The following ZNF423 variants were observed in gnomAD, a reference collection of about 807,000 sequenced individuals.
ZNF423 encodes zinc finger protein 423, also known as Ebf-associated zinc finger protein.
A neutral mutation model predicts 95.8 loss-of-function variants in ZNF423; 12 were observed. The observed-to-expected ratio is 0.13, with a 90% CI of 0.08 to 0.20. The LOEUF (loss-of-function observed/expected upper bound fraction) is 0.20. Among genes scored for constraint, ZNF423 ranks in the 10% least tolerant of loss-of-function variants. The pLI, the probability that ZNF423 is intolerant of heterozygous loss-of-function variation, is 1.00. For missense variants in ZNF423, 1,316 were observed against 1,737.1 expected (o/e 0.76, Z 4.31); for synonymous variants, 749 against 711.9 (o/e 1.05, Z -0.83).
At chr16:49,717,085 A>G (rs991923291) in intron 3 of ZNF423, among the ~76,000 whole-genome samples, 1 of 151,920 alleles carries the variant, frequency 6.6e-6, no homozygotes, top group African/African-American at 2.4e-5. Flanking sequence ...AAAGACTCTC[A>G]CCAACCAAAA....
chr16:49,858,717 G>GCCCC (rs35734564), upstream of ZNF423, among the ~76,000 whole-genome samples: 449 of 132,820 alleles, frequency 3.4e-3, 6 homozygotes, highest in Middle Eastern at 8.3e-3. The surrounding 1 kb of genome is among the most constrained non-coding windows in gnomAD (Gnocchi z 4.3). Flanking sequence ...GGGAATAGGA[G>GCCCC]CCCCCCCCCC....
rs140494854 is a variant in ZNF423 at position 49,824,220 on chromosome 16, G to A, written c.40+31515C>T. Among the ~76,000 whole-genome samples the A allele has an allele frequency of 5.3e-4, 80 of 152,198 alleles. 2 individuals carry two copies. Among genetic ancestry groups the A allele is most frequent in the African/African-American group, 1.6e-3 (68 of 41,530 alleles). On this transcript the variant is annotated intron_variant, in intron 1 of 7. Coordinates refer to ENST00000563137, the MANE Select transcript of ZNF423 (RefSeq NM_001379286.1). ...TACCCAAGAGACTTCTAAGCCCACAGCCAGGCATTGCGTCTCCAGCCAGAC... is the reference window on the plus strand; with the variant it reads ...TACCCAAGAGACTTCTAAGCCCACAACCAGGCATTGCGTCTCCAGCCAGAC...
At chr16:49,499,490 A>G (rs1880341653) in intron 7 of ZNF423, among the ~76,000 whole-genome samples, 1 of 152,262 alleles carries the variant, frequency 6.6e-6, no homozygotes, top group South Asian at 2.1e-4. Context: ...TAGCAGAAGC[A>G]GATGCAGCGA....
At chr16:49,604,466 C>T (rs567945334) in intron 5 of ZNF423, among the ~76,000 whole-genome samples, 14 of 152,240 alleles carry the variant, frequency 9.2e-5, no homozygotes, top group African/African-American at 1.7e-4. Flanking sequence ...GCCTTGAACA[C>T]GCTGCCACAC....
chr16:49,666,376 C>T (rs143814232), intron 3 of ZNF423, among the ~76,000 whole-genome samples: 1 of 152,334 alleles, frequency 6.6e-6, no homozygotes, highest in Non-Finnish European at 1.5e-5. Context: ...ATACAGCCAC[C>T]TACACACGCC....
intron 5 of ZNF423, among the ~76,000 whole-genome samples, chr16:49,587,071 G>T (rs550462184): frequency 7.2e-5 from 11 of 152,252 alleles, no homozygotes; most frequent in African/African-American, 2.6e-4. Flanking sequence ...GCACAAACTC[G>T]CTGTCACAAA....
intron 3 of ZNF423, among the ~76,000 whole-genome samples, chr16:49,728,313 G>A (rs1177548178): frequency 6.6e-6 from 1 of 152,194 alleles, no homozygotes; most frequent in African/African-American, 2.4e-5. Flanking sequence ...TCCCAGGCTG[G>A]GTCATGCCTT....
chr16:49,847,199 A>G (rs1398737750), intron 1 of ZNF423: 2 of 152,234 alleles, frequency 1.3e-5, no homozygotes, highest in Non-Finnish European at 2.9e-5. Context: ...CGAGGCAGTG[A>G]AGAGTTTGCA....
At chr16:49,668,195 T>G (rs762304856) in intron 3 of ZNF423, among the ~76,000 whole-genome samples, 5 of 152,082 alleles carry the variant, frequency 3.3e-5, no homozygotes, top group Non-Finnish European at 5.9e-5. Context: ...CTCAAGCCCC[T>G]ACCCCCCACC....
chr16:49,787,285 TAAAAAAAAGA>T (rs1414828469), intron 2 of ZNF423, among the ~76,000 whole-genome samples: 30 of 147,560 alleles, frequency 2.0e-4, no homozygotes, highest in East Asian at 1.8e-3. Context: ...CACAAACTAT[TAAAAAAAAGA>T]AAAAAAAAGA....
chr16:49,576,973 G>A (rs1448734853), intron 5 of ZNF423, among the ~76,000 whole-genome samples: 6 of 152,260 alleles, frequency 3.9e-5, no homozygotes, highest in Non-Finnish European at 8.8e-5. Flanking sequence ...AGAGGGCACA[G>A]ATGAGAAGAC....
At chr16:49,726,051 G>A (rs181798339) in intron 3 of ZNF423, among the ~76,000 whole-genome samples, 14 of 152,318 alleles carry the variant, frequency 9.2e-5, no homozygotes, top group Non-Finnish European at 1.9e-4. Flanking sequence ...TTAGCAAAGA[G>A]GCCAAAGACC....
rs113358702 is a variant in ZNF423 at position 49,638,859 on chromosome 16, G to T, written c.317C>A (p.Pro106Gln). ...AGACGAGGCCACCCAGGAGAGTTGT[G>T]GGTCGTCATCACCATCTGCAAGAGA... ...HRCPGDGDDD[P>Q]QLSWVASSPS... The change falls in exon 4 of 8, where the codon CCA (proline) becomes CAA (glutamine). Residue 106 changes from proline to glutamine, a missense_variant. Around this residue, in one of 6 missense-constraint regions of ZNF423, gnomAD observed 155 missense variants for 170.8 expected, o/e 0.91. Coordinates refer to ENST00000563137, the MANE Select transcript of ZNF423 (RefSeq NM_001379286.1). The surrounding 1 kb of genome is among the most constrained non-coding windows in gnomAD (Gnocchi z 5.6). 1.1e-4 allele frequency: 181 copies of T among 1,606,590 alleles called. No homozygotes were observed. The highest frequency in any genetic ancestry group is 1.5e-4 in the Non-Finnish European group (174 of 1,175,146).
chr16:49,809,301 G>T (rs1161339784), intron 1 of ZNF423, among the ~76,000 whole-genome samples: 4 of 152,244 alleles, frequency 2.6e-5, no homozygotes, highest in Non-Finnish European at 2.9e-5. Context: ...TCCACGGCTG[G>T]CAGGGGCCGG....
chr16:49,589,029 G>T (rs955144927), intron 5 of ZNF423, among the ~76,000 whole-genome samples: 2 of 152,200 alleles, frequency 1.3e-5, no homozygotes, highest in Non-Finnish European at 2.9e-5. Context: ...CCCTCTCTGA[G>T]GTCCTCCCCA....
rs1473043948 is a variant in ZNF423 at position 49,809,479 on chromosome 16, C to T, written c.41-19933G>A. Among the ~76,000 whole-genome samples the T allele has an allele frequency of 2.6e-5, 4 of 152,218 alleles. No homozygotes were observed. The East Asian group carries it at 5.8e-4, about 22-fold the overall frequency. On this transcript the variant is annotated intron_variant, in intron 1 of 7. Transcript: ENST00000563137. ...CAGAGAAGCCTTGTGTTCCACTACA[C>T]ACAAGCCAGTGCAGCCTGTGTGTAG...
intron 5 of ZNF423, among the ~76,000 whole-genome samples, chr16:49,555,507 A>C (rs1347541068): frequency 6.6e-6 from 1 of 152,264 alleles, no homozygotes; most frequent in Non-Finnish European, 1.5e-5. Flanking sequence ...ACACGGGTTA[A>C]GTAGCTTTCC....
At chr16:49,807,323 C>T (rs1002765006) in intron 1 of ZNF423, among the ~76,000 whole-genome samples, 20 of 144,928 alleles carry the variant, frequency 1.4e-4, no homozygotes, top group African/African-American at 3.6e-4. Context: ...CCTAGCTACT[C>T]GGGAGGCTGA....
intron 5 of ZNF423, among the ~76,000 whole-genome samples, chr16:49,578,568 G>A (rs928135978): frequency 3.9e-5 from 6 of 152,094 alleles, no homozygotes; most frequent in African/African-American, 9.7e-5. Context: ...CAGCCCCCTC[G>A]CCTCTCGCCC....
Sources: allele counts gnomAD v4.1 joint callset (sites outside exome capture counted in the v4.1 genomes callset), GRCh38; gene constraint gnomAD v4.1.1; regional missense constraint gnomAD v4.1.1; non-coding constraint Gnocchi (gnomAD v3.1); transcripts MANE v1.5; gene names NCBI Gene and HGNC (gene_info 2026-07-23, HGNC 2026-07-21).